Variants in SETBP1 observed in about 807,000 individuals in gnomAD.
SETBP1 encodes SET binding protein 1, also known as SET-binding protein.
A neutral mutation model predicts 101.0 loss-of-function variants in SETBP1; 9 were observed. That is an observed-to-expected ratio of 0.09 (90% CI 0.05 to 0.16). SETBP1 has a LOEUF of 0.16. Among genes scored for constraint, SETBP1 ranks in the 10% least tolerant of loss-of-function variants. The pLI is 1.00. For synonymous variants in SETBP1, 818 were observed against 788.5 expected, an observed-to-expected ratio of 1.04 and a Z score of -0.63; for missense variants, 1,858 against 2,033.8, an observed-to-expected ratio of 0.91 and a Z score of 1.66.
intron 4 of SETBP1, among the ~76,000 whole-genome samples, chr18:44,969,056 C>A (rs2071782828): frequency 6.6e-6 from 1 of 152,134 alleles, no homozygotes. Flanking sequence ...AGCTCTGTGG[C>A]ATTTTCATAA....
At chr18:44,937,268 C>T (rs1469508702) in intron 3 of SETBP1, among the ~76,000 whole-genome samples, 5 of 151,448 alleles carry the variant, frequency 3.3e-5, no homozygotes, top group African/African-American at 9.7e-5. Context: ...CCGGCTAAAA[C>T]GGTGAAACCC....
At chr18:44,776,357 C>G (rs2071003323) in intron 2 of SETBP1, among the ~76,000 whole-genome samples, 1 of 152,158 alleles carries the variant, frequency 6.6e-6, no homozygotes, top group African/African-American at 2.4e-5. Flanking sequence ...GATTTAAACC[C>G]AGGCTAGATT....
intron 2 of SETBP1, among the ~76,000 whole-genome samples, chr18:44,725,033 T>C (rs2069676873): frequency 6.6e-6 from 1 of 152,190 alleles, no homozygotes; most frequent in Non-Finnish European, 1.5e-5. Flanking sequence ...ATTTCTTCAC[T>C]CACTCATTTA....
intron 4 of SETBP1, among the ~76,000 whole-genome samples, chr18:45,031,395 A>T (rs1053048313): frequency 1.3e-5 from 2 of 152,066 alleles, no homozygotes; most frequent in Admixed American, 1.3e-4. Flanking sequence ...CAATATGTAA[A>T]CTCCTTTAAT....
At chr18:44,691,068 T>C (rs1382725186) in intron 1 of SETBP1, among the ~76,000 whole-genome samples, 1 of 152,176 alleles carries the variant, frequency 6.6e-6, no homozygotes. Context: ...TTAGAACTCA[T>C]GTATGTAGAA....
At chr18:44,708,628 C>G (rs2069270306) in intron 2 of SETBP1, among the ~76,000 whole-genome samples, 1 of 152,122 alleles carries the variant, frequency 6.6e-6, no homozygotes, top group Non-Finnish European at 1.5e-5. Flanking sequence ...GGGAAAGAAC[C>G]TTGGCCTTGG....
At chr18:45,000,027 C>T (rs958019432) in intron 4 of SETBP1, among the ~76,000 whole-genome samples, 3 of 152,216 alleles carry the variant, frequency 2.0e-5, no homozygotes, top group African/African-American at 7.2e-5. Context: ...CATCTGTAGT[C>T]CAATGTTACG....
intron 3 of SETBP1, chr18:44,877,068 C>T: frequency 2.8e-6 from 3 of 1,055,162 alleles, no homozygotes; most frequent in Non-Finnish European, 3.4e-6. Flanking sequence ...CTCTCTAGGC[C>T]TTTTTTCTAG....
At chr18:44,877,142 G>A in intron 3 of SETBP1, 2 of 992,594 alleles carry the variant, frequency 2.0e-6, no homozygotes, top group Non-Finnish European at 2.4e-6. Context: ...CAGAGTATGG[G>A]CTCCAAGCCA....
At chr18:44,821,699 G>A (rs757345430) in intron 2 of SETBP1, among the ~76,000 whole-genome samples, 3 of 152,222 alleles carry the variant, frequency 2.0e-5, no homozygotes, top group Non-Finnish European at 2.9e-5. Context: ...GTAGTTGAAT[G>A]TATCAACATA....
chr18:44,849,560 T>A lies in SETBP1; in HGVS notation c.487-19670T>A, dbSNP rs544137425. Among the ~76,000 whole-genome samples, 3 of 152,276 alleles carry A rather than the reference T, an allele frequency of 2.0e-5. No homozygotes were observed. In the East Asian group the frequency reaches 5.8e-4, roughly 29 times the overall value. On this transcript the variant is annotated intron_variant, in intron 2 of 5. Coordinates refer to ENST00000649279, the MANE Select transcript of SETBP1 (RefSeq NM_015559.3). Reference sequence around the variant, plus strand: ...AGCGGTGAGGTGGGTGCGGGGTGTGTCAGCCCTGTTCATGCTGCATGGCAG... The same window carrying A: ...AGCGGTGAGGTGGGTGCGGGGTGTGACAGCCCTGTTCATGCTGCATGGCAG...
At chr18:44,799,588 G>A (rs1043388520) in intron 2 of SETBP1, among the ~76,000 whole-genome samples, 1 of 146,952 alleles carries the variant, frequency 6.8e-6, no homozygotes, top group Non-Finnish European at 1.5e-5. Flanking sequence ...CACAGGGATA[G>A]TAATATCGCA....
At chr18:44,828,012 T>G (rs1025157519) in intron 2 of SETBP1, among the ~76,000 whole-genome samples, 1 of 152,210 alleles carries the variant, frequency 6.6e-6, no homozygotes, top group Non-Finnish European at 1.5e-5. Context: ...GCAAGAGAGA[T>G]TAAGAGACTA....
At chr18:44,693,232 C>T (rs1436865464) in intron 1 of SETBP1, among the ~76,000 whole-genome samples, 1 of 152,164 alleles carries the variant, frequency 6.6e-6, no homozygotes, top group Non-Finnish European at 1.5e-5. Flanking sequence ...TCTCATTCAA[C>T]ATTCACCGAA....
intron 4 of SETBP1, among the ~76,000 whole-genome samples, chr18:44,965,464 A>G (rs1480674449): frequency 6.6e-6 from 1 of 152,178 alleles, no homozygotes; most frequent in African/African-American, 2.4e-5. Context: ...TAAATATCCT[A>G]GTATATCTAT....
intron 4 of SETBP1, among the ~76,000 whole-genome samples, chr18:45,026,081 A>G (rs995021115): frequency 6.6e-6 from 1 of 152,214 alleles, no homozygotes; most frequent in Non-Finnish European, 1.5e-5. Context: ...TAGAGGTAAA[A>G]AGGAAGACAC....
chr18:44,843,196 G>T (rs890960266), intron 2 of SETBP1, among the ~76,000 whole-genome samples: 13 of 152,204 alleles, frequency 8.5e-5, no homozygotes, highest in African/African-American at 3.1e-4. Flanking sequence ...CTGTGAGAGG[G>T]GCATGGCACC....
intron 3 of SETBP1, among the ~76,000 whole-genome samples, chr18:44,877,597 A>C (rs752864292): frequency 1.3e-5 from 2 of 152,198 alleles, no homozygotes; most frequent in Non-Finnish European, 2.9e-5. Context: ...TTATTACCAG[A>C]CGTGTGACAA....
chr18:44,764,704 C>T lies in SETBP1; in HGVS notation c.486+62872C>T, dbSNP rs943018041. On this transcript the variant is annotated intron_variant, in intron 2 of 5. Coordinates refer to ENST00000649279, the MANE Select transcript of SETBP1 (RefSeq NM_015559.3). Reference sequence around the variant, plus strand: ...TAGTGAGGATGGCCTCGCTCCCTGACCTTGTGATCTGACTGCCTTGGCCTC... The same window carrying T: ...TAGTGAGGATGGCCTCGCTCCCTGATCTTGTGATCTGACTGCCTTGGCCTC... 2.0e-5 allele frequency among the ~76,000 whole-genome samples: 3 copies of T among 152,116 alleles called. No homozygotes were observed. In the South Asian group the frequency reaches 6.2e-4, roughly 31 times the overall value.
Sources: gnomAD v4.1 joint callset for allele counts (sites outside exome capture counted in the v4.1 genomes callset) on GRCh38, gnomAD v4.1.1 for gene constraint, MANE v1.5 for transcripts, NCBI Gene and HGNC (gene_info 2026-07-23, HGNC 2026-07-21) for gene names.